The following GPC5 variants were observed in gnomAD, a reference collection of about 807,000 sequenced individuals.
The protein encoded by GPC5 is glypican-5.
In GPC5, 47 loss-of-function variants were observed where a neutral mutation model predicts 53.9. That is an observed-to-expected ratio of 0.87 (90% CI 0.69 to 1.11). The LOEUF is 1.11. Among genes scored for constraint, GPC5 ranks in the 50% most tolerant of loss-of-function variants. The pLI is 0.00. For synonymous variants in GPC5, 286 were observed against 263.3 expected (o/e 1.09, Z -0.84); for missense variants, 748 against 713.1 (o/e 1.05, Z -0.56).
intron 7 of GPC5, among the ~76,000 whole-genome samples, chr13:92,737,766 C>CTTTTTTTTTT (rs33914729): frequency 4.9e-5 from 5 of 102,130 alleles, no homozygotes; most frequent in Non-Finnish European, 9.0e-5. Context: ...TTTTCTTTTT[C>CTTTTTTTTTT]TTTTTTTTTT....
chr13:92,308,565 G>A (rs546361240), intron 7 of GPC5, among the ~76,000 whole-genome samples: 5 of 152,276 alleles, frequency 3.3e-5, no homozygotes, highest in South Asian at 2.1e-4. Flanking sequence ...AGTAATTCTT[G>A]CACAATGTAT....
At chr13:92,751,805 A>G (rs570195576) in intron 7 of GPC5, among the ~76,000 whole-genome samples, 1 of 152,188 alleles carries the variant, frequency 6.6e-6, no homozygotes, top group Non-Finnish European at 1.5e-5. Context: ...GACTTAAAAC[A>G]TTAAGTTTGC....
At chr13:92,604,309 C>G (rs1411392799) in intron 7 of GPC5, among the ~76,000 whole-genome samples, 1 of 152,052 alleles carries the variant, frequency 6.6e-6, no homozygotes, top group Non-Finnish European at 1.5e-5. Flanking sequence ...ATTCAGAAAT[C>G]AGTATCTATC....
intron 6 of GPC5, among the ~76,000 whole-genome samples, chr13:92,031,245 G>A (rs1280674814): frequency 6.6e-6 from 1 of 152,022 alleles, no homozygotes. Context: ...TCTCCTTGAG[G>A]TATCTTATGC....
intron 7 of GPC5, among the ~76,000 whole-genome samples, chr13:92,197,787 A>T (rs1357758866): frequency 2.0e-5 from 3 of 151,826 alleles, no homozygotes; most frequent in Middle Eastern, 6.8e-3. Context: ...AAGTCCTAGG[A>T]TTACAGGCAT....
intron 7 of GPC5, among the ~76,000 whole-genome samples, chr13:92,588,172 G>A (rs1204750809): frequency 6.6e-6 from 1 of 152,028 alleles, no homozygotes; most frequent in Non-Finnish European, 1.5e-5. Context: ...GAGAACATGC[G>A]GTGTTTGGTT....
chr13:92,267,125 A>G (rs1285125412), intron 7 of GPC5, among the ~76,000 whole-genome samples: 1 of 152,104 alleles, frequency 6.6e-6, no homozygotes, highest in Admixed American at 6.6e-5. Context: ...GCATACATGT[A>G]AACTTCAAAT....
At chr13:92,044,174 A>G (rs1320623668) in intron 6 of GPC5, among the ~76,000 whole-genome samples, 4 of 152,178 alleles carry the variant, frequency 2.6e-5, no homozygotes, top group Non-Finnish European at 5.9e-5. Flanking sequence ...TTTGTCACCT[A>G]TTCTTAACCT....
At chr13:92,378,821 A>G (rs2043715433) in intron 7 of GPC5, among the ~76,000 whole-genome samples, 1 of 152,178 alleles carries the variant, frequency 6.6e-6, no homozygotes, top group African/African-American at 2.4e-5. Context: ...TTTATGGCAT[A>G]TAGTACATGA....
intron 7 of GPC5, among the ~76,000 whole-genome samples, chr13:92,542,686 T>C (rs530092481): frequency 6.6e-6 from 1 of 152,192 alleles, no homozygotes; most frequent in South Asian, 2.1e-4. Flanking sequence ...TTGTAATTAA[T>C]AATCGCAATT....
intron 5 of GPC5, among the ~76,000 whole-genome samples, chr13:91,869,071 TCTTGCC>T (rs1332772411): frequency 3.9e-5 from 6 of 152,030 alleles, no homozygotes; most frequent in African/African-American, 1.5e-4. Flanking sequence ...TTAGATGGAG[TCTTGCC>T]CTGTTGCCCA....
intron 7 of GPC5, among the ~76,000 whole-genome samples, chr13:92,211,231 A>G (rs1046147812): frequency 2.6e-5 from 4 of 152,206 alleles, no homozygotes; most frequent in African/African-American, 7.2e-5. Context: ...GAGGTATTAC[A>G]TTCTTGGTCC....
chr13:91,594,407 A>G (rs141893331), intron 2 of GPC5, among the ~76,000 whole-genome samples: 1 of 152,294 alleles, frequency 6.6e-6, no homozygotes, highest in East Asian at 1.9e-4. Flanking sequence ...TTGATAGAAA[A>G]CAGAAATGAC....
At chr13:92,401,844 C>G (rs1440794807) in intron 7 of GPC5, among the ~76,000 whole-genome samples, 4 of 152,106 alleles carry the variant, frequency 2.6e-5, no homozygotes, top group African/African-American at 9.7e-5. Flanking sequence ...GAACACGGGT[C>G]TTTGCTCCAA....
intron 6 of GPC5, among the ~76,000 whole-genome samples, chr13:92,129,327 C>A (rs2041724986): frequency 6.6e-6 from 1 of 152,198 alleles, no homozygotes. Flanking sequence ...CTGACTACTT[C>A]AATCTCTGAT....
chr13:91,475,905 C>T (rs1882902254), intron 2 of GPC5, among the ~76,000 whole-genome samples: 1 of 152,082 alleles, frequency 6.6e-6, no homozygotes, highest in Admixed American at 6.6e-5. Flanking sequence ...GCTTGCTGAC[C>T]AGTGATCTAA....
At chr13:91,421,019 TA>T (rs1487525458) in intron 1 of GPC5, among the ~76,000 whole-genome samples, 1 of 152,242 alleles carries the variant, frequency 6.6e-6, no homozygotes, top group Non-Finnish European at 1.5e-5. Flanking sequence ...TTTGGTGTCT[TA>T]AAATGGAGAA....
intron 7 of GPC5, among the ~76,000 whole-genome samples, chr13:92,640,233 A>G (rs777118224): frequency 2.6e-5 from 4 of 152,010 alleles, no homozygotes; most frequent in Non-Finnish European, 2.9e-5. Flanking sequence ...CTTAAGACCC[A>G]TAAGTGAACT....
intron 5 of GPC5, among the ~76,000 whole-genome samples, chr13:91,828,052 G>A (rs1305434072): frequency 6.6e-6 from 1 of 151,974 alleles, no homozygotes. Context: ...AATAGCAAAA[G>A]CATTATGCTG....
Sources: gnomAD v4.1 joint callset for allele counts (sites outside exome capture counted in the v4.1 genomes callset) on GRCh38, gnomAD v4.1.1 for gene constraint, MANE v1.5 for transcripts, NCBI Gene and HGNC (gene_info 2026-07-23, HGNC 2026-07-21) for gene names.